The following AAK1 variants were observed in gnomAD, a reference collection of about 807,000 sequenced individuals.
AAK1 encodes the protein AP2-associated protein kinase 1.
Under a neutral mutation model 116.0 loss-of-function variants are expected in AAK1, and 37 were observed. That is an observed-to-expected ratio of 0.32 (90% CI 0.25 to 0.42). The LOEUF (loss-of-function observed/expected upper bound fraction) is 0.42, where lower values mean the gene tolerates loss of function less well. AAK1 is among the 10% of genes least tolerant of loss of function. The probability of loss-of-function intolerance (pLI) is 1.00; values close to 1 mark genes in which losing one functional copy is unlikely to be tolerated. For synonymous variants in AAK1, 458 were observed against 439.9 expected (o/e 1.04, Z -0.51); for missense variants, 919 against 1,170.6 (o/e 0.79, Z 3.14).
At chr2:69,596,221 CT>C (rs112330025) in intron 2 of AAK1, among the ~76,000 whole-genome samples, 2,440 of 137,896 alleles carry the variant, frequency 0.018, 40 homozygotes, top group African/African-American at 0.052. Context: ...GTAATTTTGA[CT>C]TTTTTTTTTT....
At chr2:69,481,593 T>G (rs1300738295) in intron 18 of AAK1, 1 of 152,260 alleles carries the variant, frequency 6.6e-6, no homozygotes, top group African/African-American at 2.4e-5. Flanking sequence ...TAGGACTTTC[T>G]GCCCAAAGGC....
Position 69,474,140 on chromosome 2 carries a change from G to C in AAK1, c.*1729C>G. 1.0e-6 allele frequency: 1 copy of C among 985,858 alleles called. No individual in the cohort carries two copies. Among genetic ancestry groups the C allele is most frequent in the Non-Finnish European group, 1.2e-6 (1 of 829,950 alleles). The allele number at this position is 985,858 out of a possible 1,614,324, so 61.1% of individuals were successfully genotyped here. A position where few individuals can be genotyped will look rare whatever the true frequency, so the allele number is the denominator to read the frequency against. On this transcript the variant is annotated 3_prime_UTR_variant, in exon 22 of 22. Coordinates refer to ENST00000409085, the MANE Select transcript of AAK1 (RefSeq NM_014911.5). ...TCGCACATTCCTAGGGTCAAACCTTGCCCTCCAGAATGCAGTGTTTTATAG... is the reference window on the plus strand; with the variant it reads ...TCGCACATTCCTAGGGTCAAACCTTCCCCTCCAGAATGCAGTGTTTTATAG...
intron 3 of AAK1, among the ~76,000 whole-genome samples, chr2:69,555,438 C>T (rs187755254): frequency 6.6e-6 from 1 of 152,338 alleles, no homozygotes; most frequent in Admixed American, 6.5e-5. Flanking sequence ...ACTAGTTACT[C>T]TAAGCAGCCA....
At chr2:69,632,234 T>C (rs1675218232) in intron 2 of AAK1, among the ~76,000 whole-genome samples, 1 of 152,218 alleles carries the variant, frequency 6.6e-6, no homozygotes, top group Non-Finnish European at 1.5e-5. Context: ...ACTTCAACTT[T>C]ACCAACAGAA....
intron 2 of AAK1, among the ~76,000 whole-genome samples, chr2:69,612,437 C>T (rs1432413749): frequency 6.6e-6 from 1 of 152,136 alleles, no homozygotes; most frequent in East Asian, 1.9e-4. Flanking sequence ...AAGATAATTC[C>T]AACAGGCACT....
At position 69,509,164 on chromosome 2, in the gene AAK1, C is replaced by T. The variant is rs752583939; in HGVS notation, c.2006+67G>A. On this transcript the variant is annotated intron_variant, in intron 14 of 21. Coordinates refer to ENST00000409085, the MANE Select transcript of AAK1 (RefSeq NM_014911.5). The stretch of plus-strand genomic sequence containing the variant: ...ATCTACACACTTATGCAAAGAATCA[C>T]ACACTAACAGCCGCAGGCAGACTTT... 5.2e-5 allele frequency: 71 copies of T among 1,359,902 alleles called. 1 individual carries two copies. The highest frequency in any genetic ancestry group is 6.1e-5 in the Non-Finnish European group (58 of 952,928). 84.2% of individuals were successfully genotyped at this position (1,359,902 alleles called of 1,614,324 possible). A position where few individuals can be genotyped will look rare whatever the true frequency, so the allele number is the denominator to read the frequency against.
rs1324028144 is a variant in AAK1, at chr2:69,472,728, G to A, written c.*3141C>T. On this transcript the variant is annotated 3_prime_UTR_variant, in exon 22 of 22. Coordinates refer to ENST00000409085, the MANE Select transcript of AAK1 (RefSeq NM_014911.5). ...ACATAGCTGGAATAAAAGCAAATCA[G>A]AAACATATGCTTATAGTATTTGCCC... The A allele has an allele frequency of 2.0e-6, 2 of 985,264 alleles. No homozygotes were observed. The highest frequency in any genetic ancestry group is 1.2e-4 in the Admixed American group (2 of 16,254). The allele number at this position is 985,264 out of a possible 1,614,324, so 61.0% of individuals were successfully genotyped here.
chr2:69,488,326 G>A (rs1436416130), intron 17 of AAK1, among the ~76,000 whole-genome samples: 2 of 152,002 alleles, frequency 1.3e-5, no homozygotes. Context: ...TAGAAAATAA[G>A]TTGAAGTTAT....
intron 2 of AAK1, among the ~76,000 whole-genome samples, chr2:69,575,033 A>C (rs956885677): frequency 1.3e-5 from 2 of 151,986 alleles, no homozygotes; most frequent in Admixed American, 6.6e-5. Context: ...AAAAAAAAAA[A>C]AAACCACACA....
rs532172458 is a variant in AAK1 at position 69,466,994 on chromosome 2, G to A, written c.*8875C>T. The stretch of plus-strand genomic sequence containing the variant: ...TTCAGAATCTGGCATGTGGTCATCC[G>A]CGCCACATGCAGAGGGACAAACTCT... On this transcript the variant is annotated 3_prime_UTR_variant, in exon 22 of 22. Transcript: ENST00000409085. 35 of 985,394 alleles carry A rather than the reference G, an allele frequency of 3.6e-5. No individual in the cohort carries two copies. In the East Asian group the frequency reaches 1.0e-3, roughly 29 times the overall value. The allele number at this position is 985,394 out of a possible 1,614,324, so 61.0% of individuals were successfully genotyped here. A position where few individuals can be genotyped will look rare whatever the true frequency, so the allele number is the denominator to read the frequency against.
chr2:69,594,366 T>G (rs1673169168), intron 2 of AAK1, among the ~76,000 whole-genome samples: 1 of 152,232 alleles, frequency 6.6e-6, no homozygotes, highest in Non-Finnish European at 1.5e-5. Flanking sequence ...CATCATTCTT[T>G]GCACTCAAGA....
At chr2:69,527,364 T>C (rs1670069688) in intron 8 of AAK1, 45 bp from the exon 9 acceptor site, 5 of 1,274,396 alleles carry the variant, frequency 3.9e-6, no homozygotes, top group Middle Eastern at 1.9e-4. Context: ...CCAACAGTTA[T>C]TACACTAGCT....
chr2:69,517,158 C>T (rs1676616444), intron 12 of AAK1: 1 of 152,198 alleles, frequency 6.6e-6, no homozygotes, highest in Non-Finnish European at 1.5e-5. Context: ...TCACTGTTCA[C>T]CTTTGGATGA....
At chr2:69,576,976 TC>T (rs1173930739) in intron 2 of AAK1, among the ~76,000 whole-genome samples, 2 of 152,212 alleles carry the variant, frequency 1.3e-5, no homozygotes, top group African/African-American at 4.8e-5. Flanking sequence ...CTTCACATCT[TC>T]CAGCTACTTA....
chr2:69,580,477 A>T (rs1045600736), intron 2 of AAK1, among the ~76,000 whole-genome samples: 2 of 152,222 alleles, frequency 1.3e-5, no homozygotes, highest in African/African-American at 4.8e-5. Flanking sequence ...GTGCCATAGG[A>T]ATATTAAACA....
At chr2:69,581,167 G>A (rs1672526303) in intron 2 of AAK1, among the ~76,000 whole-genome samples, 1 of 152,162 alleles carries the variant, frequency 6.6e-6, no homozygotes. Context: ...AGGCTGGAGT[G>A]CAGTGGCACG....
At chr2:69,597,169 C>A (rs1369807874) in intron 2 of AAK1, among the ~76,000 whole-genome samples, 1 of 151,766 alleles carries the variant, frequency 6.6e-6, no homozygotes, top group Non-Finnish European at 1.5e-5. Context: ...GCATTTATGG[C>A]AGAATTTCAA....
chr2:69,574,673 G>A (rs545997589), intron 2 of AAK1, among the ~76,000 whole-genome samples: 3 of 152,032 alleles, frequency 2.0e-5, no homozygotes, highest in African/African-American at 7.2e-5. Flanking sequence ...GTAAAATATT[G>A]AACATTAAAT....
rs114984852 is a variant in AAK1 at position 69,461,434 on chromosome 2, C to A, written c.*14435G>T. 1 of 236,062 alleles carries A rather than the reference C, an allele frequency of 4.2e-6. No homozygotes were observed. The highest frequency in any genetic ancestry group is 8.5e-6 in the Non-Finnish European group (1 of 117,996). The allele number at this position is 236,062 out of a possible 1,614,324, so 14.6% of individuals were successfully genotyped here. On this transcript the variant is annotated 3_prime_UTR_variant, in exon 22 of 22. Coordinates refer to ENST00000409085, the MANE Select transcript of AAK1 (RefSeq NM_014911.5). ...AATAAGACCCTACTGTAATACAAGT[C>A]GGCAGAATCTAACTGTTACTAATAA...
Sources: gnomAD v4.1 joint callset for allele counts (sites outside exome capture counted in the v4.1 genomes callset) on GRCh38, gnomAD v4.1.1 for gene constraint, MANE v1.5 for transcripts, NCBI Gene and HGNC (gene_info 2026-07-23, HGNC 2026-07-21) for gene names.